Variants in TENM2 observed in about 807,000 individuals in gnomAD.
TENM2 encodes teneurin transmembrane protein 2, also known as teneurin-2.
A neutral mutation model predicts 245.2 loss-of-function variants in TENM2; 52 were observed. The ratio of observed to expected loss-of-function variants is 0.21; its 90% CI spans 0.17 to 0.27. TENM2 has a LOEUF of 0.27. TENM2 is among the 10% of genes least tolerant of loss of function. TENM2 has a pLI of 1.00. For synonymous variants in TENM2, 1,363 were observed against 1,438.9 expected, an observed-to-expected ratio of 0.95 and a Z score of 1.19; for missense variants, 3,046 against 3,666.8, an observed-to-expected ratio of 0.83 and a Z score of 4.37.
intron 26 of TENM2, among the ~76,000 whole-genome samples, chr5:168,245,671 C>T (rs1385459168): frequency 2.6e-5 from 4 of 152,084 alleles, no homozygotes; most frequent in African/African-American, 9.7e-5. Context: ...CAACCCGGGC[C>T]TCTCACCTAG....
At chr5:167,528,672 A>G (rs529804116) in intron 2 of TENM2, among the ~76,000 whole-genome samples, 1 of 152,210 alleles carries the variant, frequency 6.6e-6, no homozygotes, top group African/African-American at 2.4e-5. Flanking sequence ...TCCACCATAC[A>G]CTGTACGGTG....
chr5:167,501,135 T>C (rs1432128327), intron 2 of TENM2, among the ~76,000 whole-genome samples: 1 of 152,200 alleles, frequency 6.6e-6, no homozygotes, highest in Admixed American at 6.5e-5. Flanking sequence ...CTTTCTTCCA[T>C]TCGCAGATGC....
chr5:168,216,986 T>C, intron 22 of TENM2, 64 bp downstream of exon 24: 1 of 1,568,666 alleles, frequency 6.4e-7, no homozygotes, highest in Non-Finnish European at 8.7e-7. Context: ...GGTTCTTACC[T>C]GTTTCCTGTT....
At chr5:167,299,570 C>T (rs1037866405) in intron 1 of TENM2, among the ~76,000 whole-genome samples, 5 of 152,008 alleles carry the variant, frequency 3.3e-5, no homozygotes, top group African/African-American at 4.8e-5. Flanking sequence ...TAGATTTCCA[C>T]GATGGAAAGG....
chr5:167,863,602 C>T (rs901646686), intron 2 of TENM2, among the ~76,000 whole-genome samples: 7 of 152,066 alleles, frequency 4.6e-5, no homozygotes, highest in African/African-American at 1.7e-4. Context: ...TGAGATTGTG[C>T]CACTGTACTC....
At chr5:167,878,019 T>C (rs2151391607) in intron 3 of TENM2, among the ~76,000 whole-genome samples, 1 of 152,336 alleles carries the variant, frequency 6.6e-6, no homozygotes, top group Middle Eastern at 3.4e-3. Flanking sequence ...AAATGAGCTT[T>C]TAAAAACTAT....
chr5:167,883,659 C>T (rs184246656), intron 3 of TENM2, among the ~76,000 whole-genome samples: 1 of 152,322 alleles, frequency 6.6e-6, no homozygotes, highest in African/African-American at 2.4e-5. Flanking sequence ...CTTCTTGGTA[C>T]ATATAAAAAG....
intron 5 of TENM2, among the ~76,000 whole-genome samples, chr5:168,034,004 G>A (rs186283899): frequency 2.8e-4 from 42 of 147,772 alleles, no homozygotes; most frequent in African/African-American, 1.0e-3. Context: ...TCCAGCCTGA[G>A]CAACAGAGCG....
At chr5:168,091,202 T>A (rs914427161) in intron 8 of TENM2, among the ~76,000 whole-genome samples, 4 of 152,144 alleles carry the variant, frequency 2.6e-5, no homozygotes, top group African/African-American at 9.7e-5. Flanking sequence ...AGCTCAGAAT[T>A]TTTCTTAAAA....
At chr5:167,170,256 A>G in the TENM2 span, among the ~76,000 whole-genome samples, 1 of 152,206 alleles carries the variant, frequency 6.6e-6, no homozygotes, top group Admixed American at 6.5e-5. Flanking sequence ...TCGAGCTGTT[A>G]CCTCTATTCT....
At chr5:167,110,489 T>C in the TENM2 span, among the ~76,000 whole-genome samples, 1 of 152,222 alleles carries the variant, frequency 6.6e-6, no homozygotes, top group Admixed American at 6.5e-5. Flanking sequence ...TCCCCAGTTC[T>C]CTGGCAATGC....
chr5:167,281,973 C>T (rs1370849095), upstream of TENM2, among the ~76,000 whole-genome samples: 1 of 133,916 alleles, frequency 7.5e-6, no homozygotes, highest in African/African-American at 2.9e-5. Context: ...GCACTCCAAC[C>T]TGGGCAACAA....
intron 2 of TENM2, among the ~76,000 whole-genome samples, chr5:167,773,545 T>C (rs1048461958): frequency 3.9e-5 from 6 of 152,204 alleles, no homozygotes; most frequent in African/African-American, 1.4e-4. Context: ...CTGTCATGGA[T>C]AATTGTGTCA....
chr5:167,555,160 A>G (rs538808722), intron 2 of TENM2, among the ~76,000 whole-genome samples: 2 of 152,234 alleles, frequency 1.3e-5, no homozygotes, highest in South Asian at 4.2e-4. Context: ...CTCTTGGAAA[A>G]GCATTTGCAG....
the TENM2 span, among the ~76,000 whole-genome samples, chr5:167,226,009 T>C: frequency 6.6e-6 from 1 of 152,146 alleles, no homozygotes; most frequent in East Asian, 1.9e-4. Flanking sequence ...TCAGTTGTAA[T>C]GCATCCTTTT....
chr5:167,389,232 A>G (rs1427598970), intron 2 of TENM2, among the ~76,000 whole-genome samples: 1 of 145,010 alleles, frequency 6.9e-6, no homozygotes, highest in Non-Finnish European at 1.5e-5. Flanking sequence ...ATGTGCGTAT[A>G]TATATAGTGC....
At chr5:167,882,374 T>C (rs1773950581) in intron 3 of TENM2, among the ~76,000 whole-genome samples, 1 of 152,196 alleles carries the variant, frequency 6.6e-6, no homozygotes, top group Non-Finnish European at 1.5e-5. Flanking sequence ...GAACCATTAA[T>C]GTAGTGGGAA....
chr5:168,159,808 A>T (rs1395614211), intron 12 of TENM2, among the ~76,000 whole-genome samples: 4 of 152,056 alleles, frequency 2.6e-5, no homozygotes, highest in African/African-American at 9.7e-5. Flanking sequence ...TGTTTATTTC[A>T]CTTCAGTTGG....
intron 2 of TENM2, among the ~76,000 whole-genome samples, chr5:167,609,376 C>T (rs1046413121): frequency 1.3e-5 from 2 of 151,708 alleles, no homozygotes; most frequent in Admixed American, 1.3e-4. Flanking sequence ...CCTGTGTGGG[C>T]CACGCATGGC....
Sources: allele counts gnomAD v4.1 joint callset (sites outside exome capture counted in the v4.1 genomes callset), GRCh38; gene constraint gnomAD v4.1.1; transcripts MANE v1.5; gene names NCBI Gene and HGNC (gene_info 2026-07-23, HGNC 2026-07-21).